The following COL6A6 variants were observed in gnomAD, a reference collection of about 807,000 sequenced individuals.
The protein encoded by COL6A6 is collagen alpha-6(VI) chain.
Under a neutral mutation model 208.6 loss-of-function variants are expected in COL6A6, and 183 were observed. The observed-to-expected ratio is 0.88, with a 90% CI of 0.78 to 0.99. The LOEUF is 0.99. COL6A6 is among the 50% of genes least tolerant of loss of function. The pLI is 0.00. For synonymous variants in COL6A6, 973 were observed against 1,011.8 expected, an observed-to-expected ratio of 0.96 and a Z score of 0.73; for missense variants, 2,816 against 2,815.2, an observed-to-expected ratio of 1.00 and a Z score of -0.01.
At chr3:130,537,403 C>T (rs1034379840) in intron 1 of COL6A6, among the ~76,000 whole-genome samples, 1 of 152,178 alleles carries the variant, frequency 6.6e-6, no homozygotes, top group African/African-American at 2.4e-5. Context: ...TCCAGAAACA[C>T]CCCCACACCC....
At chr3:130,579,440 C>G (rs912627068) in intron 8 of COL6A6, among the ~76,000 whole-genome samples, 1 of 152,176 alleles carries the variant, frequency 6.6e-6, no homozygotes, top group Non-Finnish European at 1.5e-5. Flanking sequence ...CAGCATGTGA[C>G]TGAAACTGAA....
chr3:130,613,128 A>G (rs2064411361), intron 23 of COL6A6, among the ~76,000 whole-genome samples: 1 of 152,148 alleles, frequency 6.6e-6, no homozygotes, highest in Admixed American at 6.5e-5. Flanking sequence ...GTTATCCTCC[A>G]GGGTTTTTAT....
At chr3:130,520,043 G>A (rs546606073) in intron 1 of COL6A6, among the ~76,000 whole-genome samples, 26 of 152,340 alleles carry the variant, frequency 1.7e-4, no homozygotes, top group African/African-American at 5.5e-4. Flanking sequence ...TATCCTGGAA[G>A]AGATGTTTGA....
chr3:130,651,839 C>T (rs1285490705), intron 33 of COL6A6, among the ~76,000 whole-genome samples: 1 of 152,200 alleles, frequency 6.6e-6, no homozygotes, highest in Admixed American at 6.5e-5. Context: ...CTCACCCACT[C>T]AAAGGTGTGT....
intron 23 of COL6A6, among the ~76,000 whole-genome samples, chr3:130,621,439 TTTTCTACCAAAGCCAGTCC>T (rs1418628592): frequency 6.6e-6 from 1 of 152,214 alleles, no homozygotes; most frequent in Non-Finnish European, 1.5e-5. Flanking sequence ...CCAAAAAATG[TTTTCTACCAAAGCCAGTCC>T]TTTCTACCAA....
chr3:130,650,294 C>A (rs1012444471), intron 33 of COL6A6, among the ~76,000 whole-genome samples: 4 of 151,952 alleles, frequency 2.6e-5, no homozygotes, highest in African/African-American at 9.7e-5. Context: ...AAGGGGGGGG[C>A]CAGGGAGCAG....
At chr3:130,671,142 G>A (rs1040338357) in intron 36 of COL6A6, among the ~76,000 whole-genome samples, 3 of 152,132 alleles carry the variant, frequency 2.0e-5, no homozygotes, top group South Asian at 2.1e-4. Context: ...TGGAGAGATC[G>A]CAGAAGGAAG....
chr3:130,595,770 A>G (rs1023398315), intron 18 of COL6A6, among the ~76,000 whole-genome samples: 44 of 152,156 alleles, frequency 2.9e-4, no homozygotes, highest in African/African-American at 8.9e-4. Flanking sequence ...ATATTCTTAT[A>G]TATGTCTTTT....
At chr3:130,567,310 T>C (rs1306320321) in intron 5 of COL6A6, 48 bp downstream of exon 5, 3 of 1,385,524 alleles carry the variant, frequency 2.2e-6, no homozygotes, top group Non-Finnish European at 3.0e-6. Flanking sequence ...CGCAAATTGC[T>C]ATCCTGGCAA....
chr3:130,654,158 G>A (rs946321547), intron 33 of COL6A6, among the ~76,000 whole-genome samples: 2 of 152,222 alleles, frequency 1.3e-5, no homozygotes, highest in African/African-American at 2.4e-5. Context: ...GAAGATGGAA[G>A]GTAGCCCTTG....
Position 130,571,252 on chromosome 3 carries a change from G to A in COL6A6, c.2836G>A (p.Val946Met). 6.2e-7 allele frequency: 1 copy of A among 1,614,078 alleles called. No homozygotes were observed. Among genetic ancestry groups the A allele is most frequent in the Non-Finnish European group, 8.5e-7 (1 of 1,179,892 alleles). Residue 946 changes from valine (V) to methionine (M), a missense_variant, in exon 7 of 37, where the codon GTG (valine) becomes ATG (methionine). By Grantham distance (21) the Val-to-Met change is conservative. Transcript: ENST00000358511. Reference sequence around the variant, plus strand: ...GGACAAAGGCATTCTTGTCCTGGCTGTGGGGATTGATGGTGCCAATCCCGT... The same window carrying A: ...GGACAAAGGCATTCTTGTCCTGGCTATGGGGATTGATGGTGCCAATCCCGT... ...LRDKGILVLAVGIDGANPVEL... is the reference protein window; with the variant it reads ...LRDKGILVLAMGIDGANPVEL...
At chr3:130,623,514 C>A (rs1003350266) in intron 24 of COL6A6, among the ~76,000 whole-genome samples, 7 of 152,166 alleles carry the variant, frequency 4.6e-5, no homozygotes, top group Non-Finnish European at 1.0e-4. Context: ...ACAGTTGGTA[C>A]ACTCTTATAG....
Position 130,587,863 on chromosome 3 carries a change from ATG to A in COL6A6, c.4125+1207_4125+1208del, listed in dbSNP as rs572465313. ...CATGGGAAGACAGTGTTTTTACAAA[ATG>A]TGTCTTTTTTTCCTGTCGACTACTG... is the stretch of plus-strand genomic sequence containing the variant. On this transcript the variant is annotated intron_variant, in intron 11 of 36. Transcript: ENST00000358511. 7.4e-3 allele frequency among the ~76,000 whole-genome samples: 1,128 copies of A among 152,296 alleles called. 19 individuals are homozygous for A. The highest frequency in any genetic ancestry group is 0.025 in the African/African-American group (1,048 of 41,566).
rs367960545 is a variant in COL6A6 at position 130,647,628 on chromosome 3, C to T, written c.5240-1441C>T. On this transcript the variant is annotated intron_variant, in intron 32 of 36. Transcript: ENST00000358511. ...CCTTTGAAGGACATGGAGTCAAGGACGGGAGGAGGTCATAGTTTAGCACTA... is the reference window on the plus strand; with the variant it reads ...CCTTTGAAGGACATGGAGTCAAGGATGGGAGGAGGTCATAGTTTAGCACTA... 7.9e-5 allele frequency among the ~76,000 whole-genome samples: 12 copies of T among 152,276 alleles called. No homozygotes were observed. In the East Asian group the frequency reaches 1.2e-3, roughly 15 times the overall value.
At chr3:130,621,290 T>C (rs562364352) in intron 23 of COL6A6, among the ~76,000 whole-genome samples, 8 of 152,328 alleles carry the variant, frequency 5.3e-5, no homozygotes, top group African/African-American at 1.9e-4. Context: ...TTCTAACTTA[T>C]CACTAGGAAA....
chr3:130,532,610 A>G (rs9851998), intron 1 of COL6A6, among the ~76,000 whole-genome samples: 106,394 of 152,192 alleles, frequency 0.7, 41,142 homozygotes, highest in Non-Finnish European at 0.87. Context: ...CTCCACTCCT[A>G]TGACTTGTGG....
chr3:130,613,145 A>G (rs1301072990), intron 23 of COL6A6, among the ~76,000 whole-genome samples: 1 of 152,158 alleles, frequency 6.6e-6, no homozygotes, highest in Non-Finnish European at 1.5e-5. Flanking sequence ...TTATGCTTCT[A>G]GATTTTACAT....
intron 36 of COL6A6, among the ~76,000 whole-genome samples, chr3:130,669,630 C>T (rs557348635): frequency 7.0e-4 from 107 of 152,012 alleles, no homozygotes; most frequent in Non-Finnish European, 9.9e-4. Flanking sequence ...AGCTAATGAG[C>T]TAAGCGTTGA....
chr3:130,584,904 G>A (rs554873684), intron 10 of COL6A6, among the ~76,000 whole-genome samples: 26 of 152,112 alleles, frequency 1.7e-4, no homozygotes, highest in African/African-American at 5.1e-4. Flanking sequence ...GTGAGCCACC[G>A]CACCCGGCCT....
Sources: gnomAD v4.1 joint callset for allele counts (sites outside exome capture counted in the v4.1 genomes callset) on GRCh38, gnomAD v4.1.1 for gene constraint, MANE v1.5 for transcripts, NCBI Gene and HGNC (gene_info 2026-07-23, HGNC 2026-07-21) for gene names.